MYLK4: variants seen among roughly 807,000 people sequenced by gnomAD.
MYLK4 encodes caMLCK like.
In MYLK4, 46 loss-of-function variants were observed where a neutral mutation model predicts 48.1. That is an observed-to-expected ratio of 0.96 (90% CI 0.75 to 1.22). The LOEUF (loss-of-function observed/expected upper bound fraction) is 1.22, where lower values mean the gene tolerates loss of function less well. Among genes scored for constraint, MYLK4 ranks in the 50% most tolerant of loss-of-function variants. MYLK4 has a pLI of 0.00. For missense variants in MYLK4, 451 were observed against 486.1 expected (o/e 0.93, Z 0.68); for synonymous variants, 170 against 180.8 (o/e 0.94, Z 0.48).
At chr6:2,765,542 C>A in the MYLK4 span, 1 of 1,350,352 alleles carries the variant, frequency 7.4e-7, no homozygotes, top group Non-Finnish European at 9.4e-7. Context: ...CGGCGCGGGG[C>A]CTAGCGGAGG....
intron 2 of MYLK4, among the ~76,000 whole-genome samples, chr6:2,700,358 G>T (rs925834920): frequency 2.0e-5 from 3 of 152,168 alleles, no homozygotes; most frequent in Non-Finnish European, 2.9e-5. Flanking sequence ...GAACACCAGT[G>T]TTTTTTAACC....
Position 2,685,702 on chromosome 6 carries a change from T to A in MYLK4, c.342-126A>T. The A allele has an allele frequency of 1.4e-6, 1 of 740,494 alleles. No individual in the cohort carries two copies. Among genetic ancestry groups the A allele is most frequent in the Non-Finnish European group, 2.3e-6 (1 of 443,556 alleles). 45.9% of individuals were successfully genotyped at this position (740,494 alleles called of 1,614,324 possible). On this transcript the variant is annotated intron_variant, in intron 4 of 12. Coordinates refer to ENST00000274643, the MANE Select transcript of MYLK4 (RefSeq NM_001012418.5). The surrounding 1 kb of genome is among the most constrained non-coding windows in gnomAD (Gnocchi z 4.5). ...GCAGCCCTCTGAGGAGTTCTTTCAGTAAACTTCTAGAGCAGTATTTGTCAA... is the reference window on the plus strand; with the variant it reads ...GCAGCCCTCTGAGGAGTTCTTTCAGAAAACTTCTAGAGCAGTATTTGTCAA...
At position 2,679,295 on chromosome 6, in the gene MYLK4, A is replaced by T. The variant is rs1473068398; in HGVS notation, c.872T>A (p.Val291Asp). 3.7e-6 allele frequency: 6 copies of T among 1,613,886 alleles called. No individual in the cohort carries two copies. The highest frequency in any genetic ancestry group is 5.1e-6 in the Non-Finnish European group (6 of 1,180,012). The change falls in exon 9 of 13, where the codon GTC becomes GAC. Residue 291 changes from valine (V) to aspartate (D), a missense_variant. By Grantham distance (152) the Val-to-Asp change is radical. Transcript: ENST00000274643. Reference sequence around the variant, plus strand: ...AGCTACTCACAGCATATAGGCGATGACCCCCACACTCCACATGTCAGTGGG... The same window carrying T: ...AGCTACTCACAGCATATAGGCGATGTCCCCCACACTCCACATGTCAGTGGG... ...SFPTDMWSVG[V>D]IAYMLLSGLS...
intron 2 of MYLK4, among the ~76,000 whole-genome samples, chr6:2,699,309 T>TTTTTTTTTTTTTTTTC (rs1762197295): frequency 7.2e-6 from 1 of 138,026 alleles, no homozygotes; most frequent in African/African-American, 2.8e-5. Context: ...TTTTTTTTTT[T>TTTTTTTTTTTTTTTTC]GATATGGAGT....
At chr6:2,699,282 CTTTTCTTTTT>C (rs1762186162) in intron 2 of MYLK4, among the ~76,000 whole-genome samples, 1 of 63,584 alleles carries the variant, frequency 1.6e-5, no homozygotes, top group African/African-American at 6.1e-5. Context: ...CTTTTCTTTT[CTTTTCTTTTT>C]TTTTTTTTTT....
At chr6:2,686,736 T>C (rs1761568499) in intron 4 of MYLK4, among the ~76,000 whole-genome samples, 1 of 152,202 alleles carries the variant, frequency 6.6e-6, no homozygotes, top group Non-Finnish European at 1.5e-5. Flanking sequence ...CAGAGGCAGA[T>C]GAATCTTGGA....
At chr6:2,763,434 G>C in the MYLK4 span, among the ~76,000 whole-genome samples, 3 of 152,100 alleles carry the variant, frequency 2.0e-5, no homozygotes, top group South Asian at 2.1e-4. Context: ...TCCCCAGTTG[G>C]GGGGAGGCTC....
intron 2 of MYLK4, among the ~76,000 whole-genome samples, chr6:2,704,872 A>C: frequency 6.6e-6 from 1 of 152,234 alleles, no homozygotes; most frequent in Non-Finnish European, 1.5e-5. Flanking sequence ...TCTAATGGCA[A>C]CTAAGTAGCC....
intron 7 of MYLK4, among the ~76,000 whole-genome samples, chr6:2,681,076 T>C (rs1761280678): frequency 6.6e-6 from 1 of 152,112 alleles, no homozygotes; most frequent in Non-Finnish European, 1.5e-5. Flanking sequence ...AGTAAGAGAT[T>C]TGATTTAAAG....
chr6:2,763,609 C>T, the MYLK4 span, among the ~76,000 whole-genome samples: 1,540 of 152,372 alleles, frequency 0.01, 25 homozygotes, highest in African/African-American at 0.035. Flanking sequence ...CGCTGGCCCG[C>T]AAGCACCGCG....
At chr6:2,677,344 C>G (rs1276126356) in intron 10 of MYLK4, among the ~76,000 whole-genome samples, 1 of 152,166 alleles carries the variant, frequency 6.6e-6, no homozygotes, top group Non-Finnish European at 1.5e-5. Flanking sequence ...TGTTTCCCCA[C>G]TCCCTGTGAC....
chr6:2,705,891 A>G (rs1762468393), intron 2 of MYLK4, among the ~76,000 whole-genome samples: 1 of 148,126 alleles, frequency 6.8e-6, no homozygotes, highest in South Asian at 2.2e-4. Flanking sequence ...AAAATTTCTC[A>G]AATTATGTAA....
rs1443781087 is a variant in MYLK4 at position 2,664,636 on chromosome 6, A to AT, written c.*3288dup. The AT allele has an allele frequency of 2.0e-5, 3 of 152,254 alleles. No homozygotes were observed. Among genetic ancestry groups the AT allele is most frequent in the Non-Finnish European group, 4.4e-5 (3 of 68,038 alleles). 9.4% of individuals were successfully genotyped at this position (152,254 alleles called of 1,614,324 possible). ...GCTAATTTCCATAAAATGGATAAAA[A>AT]TTAAGTATTCACACATCTTTCCAAA... On this transcript the variant is annotated 3_prime_UTR_variant, in exon 13 of 13. Transcript: ENST00000274643.
At chr6:2,725,548 A>T (rs966011071) in intron 2 of MYLK4, among the ~76,000 whole-genome samples, 2 of 140,640 alleles carry the variant, frequency 1.4e-5, no homozygotes. Context: ...AGAAAGAAAC[A>T]AAGAAACAAA....
intron 3 of MYLK4, among the ~76,000 whole-genome samples, chr6:2,689,265 T>C (rs1441710107): frequency 6.6e-6 from 1 of 152,182 alleles, no homozygotes; most frequent in Non-Finnish European, 1.5e-5. Flanking sequence ...TCCAAACAGG[T>C]AATACTTCCA....
At chr6:2,739,415 A>G (rs1361179672) in intron 2 of MYLK4, among the ~76,000 whole-genome samples, 1 of 152,224 alleles carries the variant, frequency 6.6e-6, no homozygotes, top group Non-Finnish European at 1.5e-5. Context: ...TCTTCAGAGA[A>G]GGGTTTGAAT....
the MYLK4 span, chr6:2,765,974 A>C: frequency 7.1e-7 from 1 of 1,408,438 alleles, no homozygotes; most frequent in Non-Finnish European, 9.3e-7. Flanking sequence ...GCCCACACCC[A>C]GCGGCGCCCG....
intron 11 of MYLK4, among the ~76,000 whole-genome samples, chr6:2,671,808 C>G (rs1458108204): frequency 6.6e-6 from 1 of 152,138 alleles, no homozygotes; most frequent in Non-Finnish European, 1.5e-5. Context: ...GAAAGAGTCT[C>G]CAGTTTGAGG....
At chr6:2,677,640 T>A (rs1269344185) in intron 10 of MYLK4, among the ~76,000 whole-genome samples, 1 of 152,212 alleles carries the variant, frequency 6.6e-6, no homozygotes, top group African/African-American at 2.4e-5. Flanking sequence ...TAGAGGGCCA[T>A]GTAATAAATA....
Sources: allele counts gnomAD v4.1 joint callset (sites outside exome capture counted in the v4.1 genomes callset), GRCh38; gene constraint gnomAD v4.1.1; non-coding constraint Gnocchi (gnomAD v3.1); transcripts MANE v1.5; gene names NCBI Gene and HGNC (gene_info 2026-07-23, HGNC 2026-07-21).